The following AP3D1 variants were observed in gnomAD, a reference collection of about 807,000 sequenced individuals.
AP3D1 encodes the protein adaptor related protein complex 3 subunit delta 1.
Under a neutral mutation model 147.6 loss-of-function variants are expected in AP3D1, and 51 were observed. The ratio of observed to expected loss-of-function variants is 0.35; its 90% CI spans 0.28 to 0.44. The LOEUF (loss-of-function observed/expected upper bound fraction) is 0.44. AP3D1 is among the 20% of genes least tolerant of loss of function. The pLI is 1.00. For synonymous variants in AP3D1, 760 were observed against 663.0 expected (o/e 1.15, Z -2.25); for missense variants, 1,421 against 1,624.2 (o/e 0.87, Z 2.15).
Position 2,109,902 on chromosome 19 carries a change from G to T in AP3D1, c.3321C>A (p.Ser1107Arg). 2 of 1,613,874 alleles carry T rather than the reference G, an allele frequency of 1.2e-6. No individual in the cohort carries two copies. The highest frequency in any genetic ancestry group is 1.7e-6 in the Non-Finnish European group (2 of 1,180,020). ...KLDFRLHFSC[S>R]SYLITTPCYS... is the part of the protein sequence containing the mutation. ...AGCAGGGAGTGGTGATCAAGTAGGA[G>T]CTGCAGCTGAAGTGCAGCCTGAAGT... The change falls in exon 29 of 32, where the codon AGC becomes AGA. Residue 1107 changes from serine (S) to arginine (R), a missense_variant. By Grantham distance (110) the Ser-to-Arg change is moderately radical. Transcript: ENST00000643116.
At chr19:2,107,132 G>A (rs1007163887) in intron 31 of AP3D1, among the ~76,000 whole-genome samples, 4 of 151,036 alleles carry the variant, frequency 2.6e-5, no homozygotes, top group South Asian at 2.1e-4. Context: ...ATGTGGTGGC[G>A]GGCGCTTGTA....
intron 18 of AP3D1, among the ~76,000 whole-genome samples, chr19:2,115,879 C>A (rs988240179): frequency 6.6e-6 from 1 of 152,252 alleles, no homozygotes; most frequent in Non-Finnish European, 1.5e-5. Flanking sequence ...ACTTTTTTTA[C>A]GTGAATATTC....
Position 2,110,698 on chromosome 19 carries a change from A to G in AP3D1, c.3175+9T>C. 4 of 1,587,178 alleles carry G rather than the reference A, an allele frequency of 2.5e-6. No individual in the cohort carries two copies. The highest frequency in any genetic ancestry group is 3.4e-6 in the Non-Finnish European group (4 of 1,167,658). Reference sequence around the variant, plus strand: ...CCCCAGGAGAGGCCGTGAGTGGGGCAGGGCTCACCTGGGGGCAGCTGGAAA... The same window carrying G: ...CCCCAGGAGAGGCCGTGAGTGGGGCGGGGCTCACCTGGGGGCAGCTGGAAA... On this transcript the variant is annotated intron_variant, in intron 27 of 31. Coordinates refer to ENST00000643116, the MANE Select transcript of AP3D1 (RefSeq NM_001261826.3).
chr19:2,159,768 T>C (rs1392571632), intron 1 of AP3D1, among the ~76,000 whole-genome samples: 1 of 151,726 alleles, frequency 6.6e-6, no homozygotes, highest in East Asian at 1.9e-4. Context: ...TGGCGCTATC[T>C]TGGTTCACTG....
chr19:2,120,909 G>C lies in AP3D1; in HGVS notation c.1434C>G (p.Ile478Met). The stretch of plus-strand genomic sequence containing the variant: ...AGGCGGCAGCGTACAGCACCTCACA[G>C]ATCCCGTTCCGCTGGGTGCTGCTGG... ...LLASSTQRNG[I>M]CEVLYAAAWI... Residue 478 changes from isoleucine to methionine, a missense_variant, in exon 14 of 32, where the codon ATC becomes ATG. Ile to Met is a conservative substitution (Grantham distance 10). Around this residue, in one of 6 missense-constraint regions of AP3D1, gnomAD observed 310 missense variants for 388.1 expected, o/e 0.80. Coordinates refer to ENST00000643116, the MANE Select transcript of AP3D1 (RefSeq NM_001261826.3). 2 of 1,611,414 alleles carry C rather than the reference G, an allele frequency of 1.2e-6. No individual in the cohort carries two copies. Among genetic ancestry groups the C allele is most frequent in the Non-Finnish European group, 1.7e-6 (2 of 1,180,014 alleles).
chr19:2,123,777 GT>G, intron 10 of AP3D1, 52 bp downstream of exon 10: 6 of 1,544,084 alleles, frequency 3.9e-6, no homozygotes, highest in Non-Finnish European at 5.2e-6. Flanking sequence ...CTGTGGAAAG[GT>G]GTGGCCTCTG....
intron 1 of AP3D1, chr19:2,164,194 A>G (rs2144620105): frequency 8.2e-7 from 1 of 1,219,010 alleles, no homozygotes; most frequent in Non-Finnish European, 1.0e-6. Flanking sequence ...CATGGGGGAG[A>G]AGCTGGAGCT....
intron 1 of AP3D1, among the ~76,000 whole-genome samples, chr19:2,143,350 C>T (rs1013877749): frequency 1.3e-5 from 2 of 149,274 alleles, no homozygotes; most frequent in Non-Finnish European, 3.0e-5. Flanking sequence ...ATGCCATTCT[C>T]CTGCCTCAGC....
intron 1 of AP3D1, among the ~76,000 whole-genome samples, chr19:2,140,742 C>CTGTG (rs1261818971): frequency 6.7e-6 from 1 of 149,626 alleles, no homozygotes; most frequent in Non-Finnish European, 1.5e-5. Context: ...CAGACCAAGC[C>CTGTG]TCACACAAAC....
intron 5 of AP3D1, among the ~76,000 whole-genome samples, chr19:2,132,011 G>A (rs959424570): frequency 2.6e-5 from 4 of 152,208 alleles, no homozygotes; most frequent in Non-Finnish European, 4.4e-5. Flanking sequence ...GTTAAGTCAG[G>A]CACAAAACAG....
chr19:2,113,423 C>T lies in AP3D1; in HGVS notation c.2602-10G>A. On this transcript the variant is annotated splice_polypyrimidine_tract_variant and intron_variant, in intron 22 of 31. Transcript: ENST00000643116. ...AGTCCAGGTCCTCAGCCTGAAACCA[C>T]AAGACAGGCTGTCAGCAAACGCAGT... 6.9e-7 allele frequency: 1 copy of T among 1,456,236 alleles called. No homozygotes were observed. Among genetic ancestry groups the T allele is most frequent in the Non-Finnish European group, 9.1e-7 (1 of 1,103,354 alleles). The allele number at this position is 1,456,236 out of a possible 1,614,324, so 90.2% of individuals were successfully genotyped here. A position where few individuals can be genotyped will look rare whatever the true frequency, so the allele number is the denominator to read the frequency against.
At chr19:2,125,144 T>G (rs2145086345) in intron 9 of AP3D1, among the ~76,000 whole-genome samples, 1 of 152,250 alleles carries the variant, frequency 6.6e-6, no homozygotes. Context: ...GAAATAATAA[T>G]TTTTTTAATA....
intron 1 of AP3D1, among the ~76,000 whole-genome samples, chr19:2,163,717 C>T (rs973854338): frequency 2.0e-4 from 30 of 151,958 alleles, no homozygotes; most frequent in Non-Finnish European, 3.8e-4. Context: ...CGCTTCGGGC[C>T]GGCGAGTGGG....
chr19:2,149,242 C>A (rs970675758), intron 1 of AP3D1, among the ~76,000 whole-genome samples: 2 of 152,130 alleles, frequency 1.3e-5, no homozygotes, highest in Admixed American at 6.6e-5. Context: ...GACAACCCTG[C>A]GCCGTTTTAA....
intron 1 of AP3D1, among the ~76,000 whole-genome samples, chr19:2,139,205 A>AC (rs2019156834): frequency 6.6e-6 from 1 of 151,790 alleles, no homozygotes; most frequent in African/African-American, 2.4e-5. Flanking sequence ...GGGAGAGGAG[A>AC]CGGGAGGGTT....
rs1288141497 is a variant in AP3D1, at chr19:2,108,726, G to A, written c.3513C>T (p.Arg1171=). The A allele has an allele frequency of 6.3e-6, 10 of 1,584,078 alleles. No homozygotes were observed. Among genetic ancestry groups the A allele is most frequent in the Non-Finnish European group, 8.6e-6 (10 of 1,165,500 alleles). ...GGCAGACATGGTGGCCCTGGATGGA[G>A]CGGCTGTACATGGAGGCGCAGGAGT... ...RVDSCASMYS[R]SIQGHHVCLL... is the part of the protein sequence containing the mutation. Residue 1171 remains arginine (R), a synonymous_variant, in exon 31 of 32, where the codon CGC becomes CGT. Transcript: ENST00000643116.
At chr19:2,144,988 G>A (rs149041813) in intron 1 of AP3D1, among the ~76,000 whole-genome samples, 6 of 152,170 alleles carry the variant, frequency 3.9e-5, no homozygotes, top group South Asian at 2.1e-4. Context: ...CCAGGGCATA[G>A]GTTTCTCTGT....
chr19:2,161,640 T>C (rs554446485), intron 1 of AP3D1, among the ~76,000 whole-genome samples: 1 of 152,178 alleles, frequency 6.6e-6, no homozygotes, highest in South Asian at 2.1e-4. Flanking sequence ...AAGAGGAGTC[T>C]GGGGTTTTAT....
intron 1 of AP3D1, among the ~76,000 whole-genome samples, chr19:2,162,144 C>A (rs948074601): frequency 6.7e-6 from 1 of 148,522 alleles, no homozygotes; most frequent in African/African-American, 2.5e-5. Flanking sequence ...CAAGTGATTT[C>A]TCCTGCCTCA....
Sources: allele counts gnomAD v4.1 joint callset (sites outside exome capture counted in the v4.1 genomes callset), GRCh38; gene constraint gnomAD v4.1.1; regional missense constraint gnomAD v4.1.1; transcripts MANE v1.5; gene names NCBI Gene and HGNC (gene_info 2026-07-23, HGNC 2026-07-21).